The following DLG2 variants were observed in gnomAD, a reference collection of about 807,000 sequenced individuals.
DLG2 encodes the protein disks large homolog 2.
DLG2 carries 45 observed loss-of-function variants against 132.5 expected under a neutral mutation model. The ratio of observed to expected loss-of-function variants is 0.34; its 90% confidence interval spans 0.27 to 0.44. The LOEUF (loss-of-function observed/expected upper bound fraction) is 0.44. Among genes scored for constraint, DLG2 ranks in the 20% least tolerant of loss-of-function variants. The pLI, the probability that DLG2 is intolerant of heterozygous loss-of-function variation, is 1.00. For missense variants in DLG2, 1,045 were observed against 1,196.9 expected (o/e 0.87, Z 1.87); for synonymous variants, 424 against 419.6 (o/e 1.01, Z -0.13).
chr11:83,796,895 G>A (rs923451563), intron 17 of DLG2, among the ~76,000 whole-genome samples: 5 of 152,132 alleles, frequency 3.3e-5, no homozygotes, highest in South Asian at 4.1e-4. Flanking sequence ...AATGCTGGGC[G>A]GTAAGTGCTA....
At chr11:84,680,520 C>T (rs764281002) in intron 6 of DLG2, among the ~76,000 whole-genome samples, 3 of 152,110 alleles carry the variant, frequency 2.0e-5, no homozygotes, top group Non-Finnish European at 4.4e-5. Flanking sequence ...TCTTGAAATC[C>T]AGGAAATCAT....
At chr11:83,796,201 G>T (rs77586998) in intron 17 of DLG2, among the ~76,000 whole-genome samples, 2,029 of 152,212 alleles carry the variant, frequency 0.013, 55 homozygotes, top group African/African-American at 0.046. Flanking sequence ...CTAGGCAAAT[G>T]ATCATCTAAC....
chr11:85,527,160 C>T (rs2153187297), intron 3 of DLG2, among the ~76,000 whole-genome samples: 1 of 149,930 alleles, frequency 6.7e-6, no homozygotes, highest in Non-Finnish European at 1.5e-5. Context: ...TTTGTTTTTG[C>T]CTAAAGGATG....
intron 7 of DLG2, among the ~76,000 whole-genome samples, chr11:84,280,536 T>A (rs1220433355): frequency 6.6e-6 from 1 of 152,052 alleles, no homozygotes; most frequent in African/African-American, 2.4e-5. Flanking sequence ...CCCAAAGTGC[T>A]GGGATTATAT....
chr11:83,973,600 T>A (rs2091727968), intron 12 of DLG2, among the ~76,000 whole-genome samples: 1 of 152,074 alleles, frequency 6.6e-6, no homozygotes, highest in East Asian at 1.9e-4. Flanking sequence ...AAAGTTGTCC[T>A]TAGGAGATGC....
chr11:84,487,908 AG>A (rs1316463218), intron 7 of DLG2, among the ~76,000 whole-genome samples: 1 of 152,154 alleles, frequency 6.6e-6, no homozygotes, highest in East Asian at 1.9e-4. Context: ...GGAAGGAAAA[AG>A]CACCTAATGT....
intron 4 of DLG2, among the ~76,000 whole-genome samples, chr11:85,270,082 G>A (rs1423044133): frequency 6.6e-6 from 1 of 152,120 alleles, no homozygotes. Context: ...GAATGGATGA[G>A]TGAATACATA....
At chr11:84,660,038 C>T (rs2099692811) in intron 6 of DLG2, among the ~76,000 whole-genome samples, 1 of 152,076 alleles carries the variant, frequency 6.6e-6, no homozygotes, top group Non-Finnish European at 1.5e-5. Flanking sequence ...GGAAAGCTCA[C>T]TTGAGCCTTA....
intron 19 of DLG2, among the ~76,000 whole-genome samples, chr11:83,546,088 C>G (rs767537863): frequency 3.9e-5 from 6 of 152,062 alleles, no homozygotes; most frequent in Non-Finnish European, 8.8e-5. Context: ...TCCCTCCTAC[C>G]CCTCCTGAAT....
At chr11:84,595,251 C>T (rs1318124792) in intron 6 of DLG2, among the ~76,000 whole-genome samples, 4 of 152,012 alleles carry the variant, frequency 2.6e-5, no homozygotes, top group Non-Finnish European at 5.9e-5. Flanking sequence ...ACTAAAGGTG[C>T]GTGCCACCAT....
In DLG2 at chr11:85,510,490, C is replaced by T. The variant is rs1380390473; in HGVS notation, c.40+88167G>A. On this transcript the variant is annotated intron_variant, in intron 3 of 27. Coordinates refer to ENST00000376104, the MANE Select transcript of DLG2 (RefSeq NM_001142699.3). ...TACTCATCTGACAAAGGGCTAATAT[C>T]CAGAATCTACAATGAACTCAAACAA... Among the ~76,000 whole-genome samples the T allele has an allele frequency of 4.6e-5, 7 of 152,140 alleles. No homozygotes were observed. In the South Asian group the frequency reaches 1.2e-3, roughly 27 times the overall value.
intron 6 of DLG2, among the ~76,000 whole-genome samples, chr11:85,065,083 G>A (rs1593486280): frequency 6.6e-6 from 1 of 151,524 alleles, no homozygotes; most frequent in East Asian, 1.9e-4. Context: ...TGGTCTCTGG[G>A]CAGTGGAGAG....
chr11:84,399,777 T>G (rs1355319328), intron 7 of DLG2, among the ~76,000 whole-genome samples: 1 of 152,216 alleles, frequency 6.6e-6, no homozygotes, highest in African/African-American at 2.4e-5. Flanking sequence ...ATTGGACTAT[T>G]TTTGTTTGTT....
intron 8 of DLG2, among the ~76,000 whole-genome samples, chr11:84,235,779 AT>A (rs1349519893): frequency 6.6e-6 from 1 of 152,184 alleles, no homozygotes; most frequent in African/African-American, 2.4e-5. Flanking sequence ...GCAGGGTAGT[AT>A]AATGCTATTC....
intron 7 of DLG2, among the ~76,000 whole-genome samples, chr11:84,353,092 C>T (rs1202970298): frequency 1.3e-5 from 2 of 151,996 alleles, no homozygotes; most frequent in African/African-American, 4.8e-5. Context: ...ATTGTGTCTC[C>T]CTCCTATTTG....
chr11:84,693,999 T>C (rs1300193780), intron 6 of DLG2, among the ~76,000 whole-genome samples: 2 of 151,660 alleles, frequency 1.3e-5, no homozygotes, highest in South Asian at 2.1e-4. Flanking sequence ...ATACATGTAA[T>C]TGTTTTAAGT....
intron 6 of DLG2, among the ~76,000 whole-genome samples, chr11:85,089,866 A>G (rs946180156): frequency 2.0e-5 from 3 of 152,192 alleles, no homozygotes; most frequent in South Asian, 4.1e-4. Flanking sequence ...AATCAAACCC[A>G]CAATGAGATA....
intron 14 of DLG2, among the ~76,000 whole-genome samples, chr11:83,937,736 A>ATATTTGT (rs2081814431): frequency 1.3e-5 from 2 of 152,190 alleles, no homozygotes; most frequent in African/African-American, 4.8e-5. Flanking sequence ...TAACCTCACT[A>ATATTTGT]GGAATAAAAA....
At chr11:84,677,765 C>T (rs74358396) in intron 6 of DLG2, among the ~76,000 whole-genome samples, 4,193 of 152,036 alleles carry the variant, frequency 0.028, 183 homozygotes, top group African/African-American at 0.095. Flanking sequence ...CAGTAGCATG[C>T]ACTCATAGTT....
Sources: allele counts gnomAD v4.1 joint callset (sites outside exome capture counted in the v4.1 genomes callset), GRCh38; gene constraint gnomAD v4.1.1; transcripts MANE v1.5; gene names NCBI Gene and HGNC (gene_info 2026-07-23, HGNC 2026-07-21).